MCU: variants seen among roughly 807,000 people sequenced by gnomAD.
The protein encoded by MCU is calcium uniporter protein, mitochondrial.
A neutral mutation model predicts 45.2 loss-of-function variants in MCU; 12 were observed. The observed-to-expected ratio is 0.27, with a 90% CI of 0.17 to 0.43. The LOEUF is 0.43. Ranked by LOEUF, MCU falls within the 20% of genes least tolerant of loss-of-function variation. MCU has a pLI of 1.00. For missense variants in MCU, 324 were observed against 436.7 expected, an observed-to-expected ratio of 0.74 and a Z score of 2.30; for synonymous variants, 160 against 165.1, an observed-to-expected ratio of 0.97 and a Z score of 0.24.
rs1200557010 is a variant in MCU at position 72,692,177 on chromosome 10, T to C, written c.26T>C (p.Leu9Pro). The C allele has an allele frequency of 2.3e-6, 3 of 1,283,294 alleles. No individual in the cohort carries two copies. The highest frequency in any genetic ancestry group is 1.5e-5 in the African/African-American group (1 of 65,416). 79.5% of individuals were successfully genotyped at this position (1,283,294 alleles called of 1,614,324 possible). MAAAAGRS[L>P]LLLLSSRGGG... ...ATGGCGGCCGCCGCAGGTAGATCGC[T>C]CCTGCTGCTCCTCTCCTCTCGGGGC... is the stretch of plus-strand genomic sequence containing the variant. Residue 9 changes from leucine to proline, a missense_variant, in exon 1 of 8, where the codon CTC becomes CCC. Physicochemically the swap from Leu to Pro is moderately conservative, Grantham distance 98. This residue lies in a region of MCU where 111 missense variants were observed against 112.3 expected (regional missense o/e 0.99). Transcript: ENST00000373053.
In MCU at chr10:72,886,887, G is replaced by T. The variant is rs1398168377; in HGVS notation, c.*1065G>T. On this transcript the variant is annotated 3_prime_UTR_variant, in exon 8 of 8. Coordinates refer to ENST00000373053, the MANE Select transcript of MCU (RefSeq NM_138357.3). ...ACTTCAGTTGTAAATCAAGTGTGTG[G>T]ATCTCAAAGGGTGCAATTTATCTTT... The T allele has an allele frequency of 6.6e-6, 1 of 152,258 alleles. No individual in the cohort carries two copies. The highest frequency in any genetic ancestry group is 1.9e-4 in the East Asian group (1 of 5,334). The allele number at this position is 152,258 out of a possible 1,614,324, so 9.4% of individuals were successfully genotyped here.
At chr10:72,706,834 CTTT>C (rs35632322) in intron 1 of MCU, among the ~76,000 whole-genome samples, 5 of 133,416 alleles carry the variant, frequency 3.7e-5, no homozygotes, top group Non-Finnish European at 4.8e-5. Context: ...CGCACCCGGC[CTTT>C]TTTTTTTTTT....
rs183352460 is a variant in MCU, at chr10:72,714,214, C to T, written c.150+21913C>T. On this transcript the variant is annotated intron_variant, in intron 1 of 7. Coordinates refer to ENST00000373053, the MANE Select transcript of MCU (RefSeq NM_138357.3). ...ACTCCTGACCTCATGATTTGCCCAC[C>T]GCGGCCTCCCAAAGTGCTGGGATTA... Among the ~76,000 whole-genome samples, 936 of 151,912 alleles carry T rather than the reference C, an allele frequency of 6.2e-3. 9 individuals are homozygous for T. Among genetic ancestry groups the T allele is most frequent in the Non-Finnish European group, 9.8e-3 (663 of 67,978 alleles).
chr10:72,833,681 A>G (rs1255786841), intron 1 of MCU, among the ~76,000 whole-genome samples: 2 of 152,230 alleles, frequency 1.3e-5, no homozygotes, highest in African/African-American at 4.8e-5. Flanking sequence ...CAAGTGAGAA[A>G]TGTATTCAGT....
rs192339491 is a variant in MCU, at chr10:72,837,979, C to T, written c.220+3551C>T. On this transcript the variant is annotated intron_variant, in intron 2 of 7. Coordinates refer to ENST00000373053, the MANE Select transcript of MCU (RefSeq NM_138357.3). ...TCAAGTGATTCTCCTGCCTCAGCCT[C>T]CCGAGTAGCTGGGACTACAGGCGCT... Among the ~76,000 whole-genome samples the T allele has an allele frequency of 7.7e-3, 1,172 of 151,624 alleles. 7 individuals are homozygous for T. Among genetic ancestry groups the T allele is most frequent in the Middle Eastern group, 0.017 (5 of 294 alleles).
In MCU at chr10:72,786,562, A is replaced by G. The variant is rs553836394; in HGVS notation, c.151-47797A>G. 2.0e-5 allele frequency among the ~76,000 whole-genome samples: 3 copies of G among 152,222 alleles called. No individual in the cohort carries two copies. The South Asian group carries it at 6.2e-4, about 32-fold the overall frequency. ...GGAGTTCGAGACCAGACTGGTCAAC[A>G]TGGCGAAACCCCGTCTCTACCAAAA... On this transcript the variant is annotated intron_variant, in intron 1 of 7. Coordinates refer to ENST00000373053, the MANE Select transcript of MCU (RefSeq NM_138357.3).
intron 1 of MCU, chr10:72,760,487 AT>A (rs965359536): frequency 5.9e-5 from 9 of 152,070 alleles, no homozygotes; most frequent in African/African-American, 2.2e-4. Flanking sequence ...TTAAAAATAT[AT>A]TTTATAATTT....
At chr10:72,806,408 T>C (rs1362840548) in intron 1 of MCU, among the ~76,000 whole-genome samples, 2 of 152,026 alleles carry the variant, frequency 1.3e-5, no homozygotes, top group Non-Finnish European at 2.9e-5. Context: ...GATCCGCCCA[T>C]CTTGGCCTCC....
intron 1 of MCU, among the ~76,000 whole-genome samples, chr10:72,811,521 T>G (rs1844543905): frequency 6.6e-6 from 1 of 152,230 alleles, no homozygotes. Context: ...TTCTTACAAT[T>G]GGATTTTCTT....
intron 1 of MCU, among the ~76,000 whole-genome samples, chr10:72,792,446 TCC>T (rs943803610): frequency 1.3e-5 from 2 of 152,126 alleles, no homozygotes; most frequent in African/African-American, 4.8e-5. Flanking sequence ...TGGGGATGAC[TCC>T]CTCCAGGCCT....
In MCU at chr10:72,719,542, A is replaced by G. The variant is rs143693147; in HGVS notation, c.150+27241A>G. On this transcript the variant is annotated intron_variant, in intron 1 of 7. Transcript: ENST00000373053. ...TGCTGGTATGTGTTCCTTCCCACTG[A>G]TTGTTACATCAGCAAGTGAGCTGTA... Among the ~76,000 whole-genome samples the G allele has an allele frequency of 3.9e-5, 6 of 152,274 alleles. No homozygotes were observed. The East Asian group carries it at 1.2e-3, about 29-fold the overall frequency.
chr10:72,868,942 G>A, intron 5 of MCU, 79 bp downstream of exon 5: 1 of 1,432,886 alleles, frequency 7.0e-7, no homozygotes, highest in Non-Finnish European at 9.4e-7. Context: ...TTTCTTGTAA[G>A]TTTTATGCAA....
At chr10:72,878,539 G>A (rs766773746) in intron 6 of MCU, among the ~76,000 whole-genome samples, 7 of 152,124 alleles carry the variant, frequency 4.6e-5, no homozygotes, top group Non-Finnish European at 1.0e-4. Context: ...ATCAGACATA[G>A]CCTTTAAAAT....
At chr10:72,819,616 C>T (rs1347361537) in intron 1 of MCU, among the ~76,000 whole-genome samples, 1 of 151,572 alleles carries the variant, frequency 6.6e-6, no homozygotes, top group Non-Finnish European at 1.5e-5. Context: ...TAATAAATAC[C>T]CTTATTTTTT....
At chr10:72,881,148 G>T (rs1452141957) in intron 6 of MCU, among the ~76,000 whole-genome samples, 1 of 151,988 alleles carries the variant, frequency 6.6e-6, no homozygotes, top group Non-Finnish European at 1.5e-5. Context: ...AAAAAAGATG[G>T]CCCTACAAAG....
intron 1 of MCU, among the ~76,000 whole-genome samples, chr10:72,699,951 A>C (rs972987435): frequency 1.3e-5 from 2 of 151,738 alleles, no homozygotes; most frequent in Admixed American, 6.6e-5. Flanking sequence ...TGGGTCACGC[A>C]TCTTCTCATT....
At chr10:72,781,260 A>G (rs2132751781) in intron 1 of MCU, among the ~76,000 whole-genome samples, 1 of 152,380 alleles carries the variant, frequency 6.6e-6, no homozygotes, top group Admixed American at 6.5e-5. Context: ...TGGAGCCAAT[A>G]GGACATCTTT....
At chr10:72,885,188 G>T (rs1344106667) in intron 7 of MCU, among the ~76,000 whole-genome samples, 3 of 152,158 alleles carry the variant, frequency 2.0e-5, no homozygotes, top group Admixed American at 6.6e-5. Flanking sequence ...TCAGAATCAT[G>T]CCTGGAGCTG....
chr10:72,884,359 C>A lies in MCU; in HGVS notation c.955C>A (p.Gln319Lys). Residue 319 changes from glutamine (Q) to lysine (K), a missense_variant, in exon 7 of 8, where the codon CAA becomes AAA. Gln to Lys is a moderately conservative substitution (Grantham distance 53). Around this residue, in one of 4 missense-constraint regions of MCU, gnomAD observed 76 missense variants for 99.4 expected, o/e 0.76. Transcript: ENST00000373053. ...ACGTTTTGACCTAGAGAAATACAAT[C>A]AACTCAAGGATGCAATTGCTCAGGT... ...KSRFDLEKYN[Q>K]LKDAIAQAEM... 1.2e-6 allele frequency: 2 copies of A among 1,605,926 alleles called. No homozygotes were observed. Among genetic ancestry groups the A allele is most frequent in the South Asian group, 1.1e-5 (1 of 90,886 alleles).
Sources: allele counts gnomAD v4.1 joint callset (sites outside exome capture counted in the v4.1 genomes callset), GRCh38; gene constraint gnomAD v4.1.1; regional missense constraint gnomAD v4.1.1; transcripts MANE v1.5; gene names NCBI Gene and HGNC (gene_info 2026-07-23, HGNC 2026-07-21).